Variants in VPS13B observed in about 807,000 individuals in gnomAD.
VPS13B encodes the protein intermembrane lipid transfer protein VPS13B.
VPS13B carries 285 observed loss-of-function variants against 426.4 expected under a neutral mutation model. The ratio of observed to expected loss-of-function variants is 0.67; its 90% confidence interval spans 0.61 to 0.74. The LOEUF (loss-of-function observed/expected upper bound fraction) is 0.74, where lower values mean the gene tolerates loss of function less well. Among genes scored for constraint, VPS13B ranks in the 30% least tolerant of loss-of-function variants. The pLI, the probability that VPS13B is intolerant of heterozygous loss-of-function variation, is 0.00. For synonymous variants in VPS13B, 1,676 were observed against 1,676.4 expected (o/e 1.00, Z 0.01); for missense variants, 4,537 against 4,782.6 (o/e 0.95, Z 1.51).
At chr8:99,114,069 G>A (rs571925131) in intron 6 of VPS13B, among the ~76,000 whole-genome samples, 1 of 151,844 alleles carries the variant, frequency 6.6e-6, no homozygotes, top group Admixed American at 6.6e-5. Flanking sequence ...TCTCAGAGCA[G>A]TGAAATTCTG....
intron 24 of VPS13B, among the ~76,000 whole-genome samples, chr8:99,475,934 T>A (rs1256580606): frequency 6.6e-6 from 1 of 152,244 alleles, no homozygotes; most frequent in Non-Finnish European, 1.5e-5. Context: ...TTCTACTTTA[T>A]AAATCTCATA....
intron 56 of VPS13B, among the ~76,000 whole-genome samples, chr8:99,857,619 G>A (rs1816618578): frequency 6.6e-6 from 1 of 152,176 alleles, no homozygotes; most frequent in African/African-American, 2.4e-5. Flanking sequence ...TCATCCAGGG[G>A]ACTGTGAGCA....
intron 33 of VPS13B, among the ~76,000 whole-genome samples, chr8:99,626,468 C>T (rs1828616881): frequency 6.6e-6 from 1 of 152,044 alleles, no homozygotes; most frequent in African/African-American, 2.4e-5. Context: ...AGGGGAAGTG[C>T]CTGCTAATGG....
rs117302699 is a variant in VPS13B at position 99,812,324 on chromosome 8, G to A, written c.8097+2794G>A. On this transcript the variant is annotated intron_variant, in intron 44 of 61. Transcript: ENST00000357162. The stretch of plus-strand genomic sequence containing the variant: ...GGATTTCCTCAATTGGCAAGGTTGG[G>A]AAGGAAGAAGGGAACCAAGCTTCAG... Among the ~76,000 whole-genome samples the A allele has an allele frequency of 6.2e-3, 949 of 152,272 alleles. 5 individuals carry two copies. The highest frequency in any genetic ancestry group is 8.6e-3 in the Non-Finnish European group (583 of 68,024).
At chr8:99,256,363 G>A (rs966059824) in intron 17 of VPS13B, among the ~76,000 whole-genome samples, 3 of 152,078 alleles carry the variant, frequency 2.0e-5, no homozygotes, top group African/African-American at 7.2e-5. Context: ...ATGAACACAG[G>A]TATACAAATA....
intron 19 of VPS13B, among the ~76,000 whole-genome samples, chr8:99,311,612 A>G (rs1196392016): frequency 1.3e-5 from 2 of 152,124 alleles, no homozygotes; most frequent in Non-Finnish European, 2.9e-5. Context: ...TTTTGGAATA[A>G]GTGTGCTGTG....
chr8:99,091,191 A>G (rs1846128504), intron 3 of VPS13B, among the ~76,000 whole-genome samples: 1 of 152,166 alleles, frequency 6.6e-6, no homozygotes, highest in Admixed American at 6.6e-5. Context: ...ATCTGGGAAA[A>G]TGACTCTGGT....
In VPS13B at chr8:99,832,623, G is replaced by A. The variant is rs1334078728; in HGVS notation, c.9585G>A (p.Gly3195=). The A allele has an allele frequency of 3.1e-6, 5 of 1,613,726 alleles. No homozygotes were observed. The highest frequency in any genetic ancestry group is 3.3e-5 in the Admixed American group (2 of 60,000). Residue 3195 remains glycine, a synonymous_variant, in exon 52 of 62, where the codon GGG becomes GGA. Coordinates refer to ENST00000357162, the MANE Select transcript of VPS13B (RefSeq NM_152564.5). ...FPRQSVAVPL[G]NFRENGFCTR... is the part of the protein sequence containing the mutation. ...GACAGAGTGTGGCAGTACCCCTCGG[G>A]AATTTCCGGGAAAATGGATTCTGTA...
chr8:99,640,977 G>A (rs2133930120), intron 33 of VPS13B, among the ~76,000 whole-genome samples: 1 of 152,204 alleles, frequency 6.6e-6, no homozygotes, highest in South Asian at 2.1e-4. Context: ...ATATCTAGGT[G>A]CAGAATAGCA....
chr8:99,596,382 T>C (rs536756316), intron 33 of VPS13B, among the ~76,000 whole-genome samples: 1 of 151,950 alleles, frequency 6.6e-6, no homozygotes, highest in Non-Finnish European at 1.5e-5. Context: ...TTGGAGACTG[T>C]TTTAGCTGCA....
intron 14 of VPS13B, among the ~76,000 whole-genome samples, chr8:99,153,079 C>T (rs560514949): frequency 2.6e-5 from 4 of 152,170 alleles, no homozygotes; most frequent in South Asian, 2.1e-4. Context: ...CTGAGGTGAG[C>T]GGATCACCTG....
chr8:99,613,166 T>C (rs1827915475), intron 33 of VPS13B, among the ~76,000 whole-genome samples: 1 of 152,230 alleles, frequency 6.6e-6, no homozygotes, highest in Admixed American at 6.5e-5. Flanking sequence ...GATTCATCTT[T>C]AGTGTCTCAA....
chr8:99,084,227 T>C (rs1259413157), intron 3 of VPS13B, among the ~76,000 whole-genome samples: 1 of 152,218 alleles, frequency 6.6e-6, no homozygotes, highest in African/African-American at 2.4e-5. Flanking sequence ...CTAGATTTTC[T>C]AGTTTATTTG....
At chr8:99,568,850 C>T (rs1225725278) in intron 31 of VPS13B, among the ~76,000 whole-genome samples, 6 of 146,596 alleles carry the variant, frequency 4.1e-5, no homozygotes, top group Non-Finnish European at 7.5e-5. Flanking sequence ...CTTGCTCTAT[C>T]GCCCAGGCTG....
At chr8:99,166,614 A>C (rs919602259) in intron 15 of VPS13B, among the ~76,000 whole-genome samples, 1 of 152,214 alleles carries the variant, frequency 6.6e-6, no homozygotes, top group Non-Finnish European at 1.5e-5. Flanking sequence ...CATCTTCTTG[A>C]ATTGGAAGAC....
chr8:99,627,261 A>G (rs969236807), intron 33 of VPS13B, among the ~76,000 whole-genome samples: 2 of 152,104 alleles, frequency 1.3e-5, no homozygotes, highest in South Asian at 4.1e-4. Flanking sequence ...TAAGAGACTA[A>G]ATTTCAAATG....
chr8:99,764,064 C>T (rs1811079948), intron 39 of VPS13B, among the ~76,000 whole-genome samples: 1 of 152,132 alleles, frequency 6.6e-6, no homozygotes. Context: ...TTTTTGAGAT[C>T]CCATTTTGTC....
chr8:99,085,361 T>C (rs1845718539), intron 3 of VPS13B, among the ~76,000 whole-genome samples: 1 of 152,198 alleles, frequency 6.6e-6, no homozygotes, highest in African/African-American at 2.4e-5. Context: ...GCACATGAGA[T>C]GGGTTTCCTG....
intron 33 of VPS13B, among the ~76,000 whole-genome samples, chr8:99,580,295 A>G (rs529158248): frequency 1.3e-5 from 2 of 148,486 alleles, no homozygotes; most frequent in South Asian, 4.2e-4. Flanking sequence ...ATGTATATTT[A>G]ATTATGTATA....
Sources: allele counts gnomAD v4.1 joint callset (sites outside exome capture counted in the v4.1 genomes callset), GRCh38; gene constraint gnomAD v4.1.1; transcripts MANE v1.5; gene names NCBI Gene and HGNC (gene_info 2026-07-23, HGNC 2026-07-21).